Variants in TOX3 observed in about 807,000 individuals in gnomAD.
The protein encoded by TOX3 is CAG trinucleotide repeat-containing gene F9 protein.
A neutral mutation model predicts 64.3 loss-of-function variants in TOX3; 22 were observed. That is an observed-to-expected ratio of 0.34 (90% CI 0.24 to 0.49). TOX3 has a LOEUF of 0.49. TOX3 is among the 20% of genes least tolerant of loss of function. The pLI, the probability that TOX3 is intolerant of heterozygous loss-of-function variation, is 0.99. For synonymous variants in TOX3, 291 were observed against 273.6 expected, an observed-to-expected ratio of 1.06 and a Z score of -0.63; for missense variants, 661 against 714.4, an observed-to-expected ratio of 0.93 and a Z score of 0.85.
intron 1 of TOX3, among the ~76,000 whole-genome samples, chr16:52,533,396 G>A (rs1418258742): frequency 1.3e-5 from 2 of 152,192 alleles, no homozygotes; most frequent in Non-Finnish European, 2.9e-5. Context: ...TCTTGAGAAA[G>A]TCATTCTGTT....
intron 1 of TOX3, among the ~76,000 whole-genome samples, chr16:52,536,074 C>T (rs1188319670): frequency 6.6e-6 from 1 of 152,180 alleles, no homozygotes; most frequent in African/African-American, 2.4e-5. Context: ...TAGTTCACTT[C>T]TTACCACATT....
At chr16:52,471,070 A>C (rs901502811) in intron 1 of TOX3, among the ~76,000 whole-genome samples, 12 of 152,166 alleles carry the variant, frequency 7.9e-5, no homozygotes, top group African/African-American at 2.9e-4. Flanking sequence ...GATAATATAC[A>C]GGACACCCAG....
chr16:52,439,131 T>C lies in TOX3; in HGVS notation c.*94A>G, dbSNP rs1959847005. ...GTTTGATCTGTTACACATTTCTGCATAACCAACACCAACTTACAGGTTTCA... is the reference window on the plus strand; with the variant it reads ...GTTTGATCTGTTACACATTTCTGCACAACCAACACCAACTTACAGGTTTCA... On this transcript the variant is annotated 3_prime_UTR_variant, in exon 7 of 7. Transcript: ENST00000219746. The C allele has an allele frequency of 7.0e-6, 11 of 1,566,776 alleles. No individual in the cohort carries two copies. The highest frequency in any genetic ancestry group is 1.3e-5 in the African/African-American group (1 of 74,170).
At chr16:52,515,433 T>C (rs7198754) in intron 1 of TOX3, among the ~76,000 whole-genome samples, 6,691 of 152,286 alleles carry the variant, frequency 0.044, 539 homozygotes, top group African/African-American at 0.15. Context: ...TGAGGTTACA[T>C]AGCTGGCTGC....
rs1360601018 is a variant in TOX3 at position 52,439,105 on chromosome 16, C to T, written c.*120G>A. On this transcript the variant is annotated 3_prime_UTR_variant, in exon 7 of 7. Transcript: ENST00000219746. ...CTATCTAATAGACACTTGAGAGGAC[C>T]GTTTGATCTGTTACACATTTCTGCA... 5 of 1,427,104 alleles carry T rather than the reference C, an allele frequency of 3.5e-6. No homozygotes were observed. Among genetic ancestry groups the T allele is most frequent in the East Asian group, 4.7e-5 (2 of 42,214 alleles). The allele number at this position is 1,427,104 out of a possible 1,614,324, so 88.4% of individuals were successfully genotyped here.
intron 1 of TOX3, among the ~76,000 whole-genome samples, chr16:52,525,847 A>G (rs1962717123): frequency 6.6e-6 from 1 of 152,222 alleles, no homozygotes; most frequent in Non-Finnish European, 1.5e-5. Context: ...AATATGCAAT[A>G]CATCGCATTG....
chr16:52,465,005 CTTTTTTTTTTT>C (rs1168498170), intron 2 of TOX3, among the ~76,000 whole-genome samples: 4 of 70,942 alleles, frequency 5.6e-5, no homozygotes, highest in African/African-American at 1.2e-4. Flanking sequence ...TTAATGCATT[CTTTTTTTTTTT>C]TTTTTTTTTT....
intron 1 of TOX3, among the ~76,000 whole-genome samples, chr16:52,482,746 T>G (rs1961402094): frequency 6.6e-6 from 1 of 152,184 alleles, no homozygotes; most frequent in Non-Finnish European, 1.5e-5. Context: ...GAAGTGTACA[T>G]ATTACCATAC....
intron 2 of TOX3, among the ~76,000 whole-genome samples, chr16:52,466,823 T>C (rs934222529): frequency 2.6e-5 from 4 of 152,088 alleles, no homozygotes; most frequent in African/African-American, 4.8e-5. Context: ...TAAAGGCAGG[T>C]AATATATTAA....
intron 6 of TOX3, among the ~76,000 whole-genome samples, chr16:52,442,363 C>G (rs1372564473): frequency 6.6e-6 from 1 of 152,146 alleles, no homozygotes; most frequent in Admixed American, 6.5e-5. Context: ...GTAAGCTCAC[C>G]CCTTGGATGA....
chr16:52,519,280 A>T, intron 1 of TOX3: 5 of 957,398 alleles, frequency 5.2e-6, no homozygotes, highest in Non-Finnish European at 7.5e-6. Flanking sequence ...ATTCCCAACC[A>T]CTTTCATCTT....
rs572406900 is a variant in TOX3 at position 52,518,459 on chromosome 16, C to T, written c.87+28178G>A. Among the ~76,000 whole-genome samples the T allele has an allele frequency of 5.9e-5, 9 of 152,272 alleles. No individual in the cohort carries two copies. In the South Asian group the frequency reaches 1.7e-3, roughly 28 times the overall value. ...ATTCAGGGATACAATATGTAAGACCCAGACCATCAACCTTGAATTAAAAAG... is the reference window on the plus strand; with the variant it reads ...ATTCAGGGATACAATATGTAAGACCTAGACCATCAACCTTGAATTAAAAAG... On this transcript the variant is annotated intron_variant, in intron 1 of 6. Coordinates refer to ENST00000219746, the MANE Select transcript of TOX3 (RefSeq NM_001080430.4).
At chr16:52,535,102 A>G (rs1485696239) in intron 1 of TOX3, among the ~76,000 whole-genome samples, 1 of 152,220 alleles carries the variant, frequency 6.6e-6, no homozygotes, top group Admixed American at 6.5e-5. Flanking sequence ...AAAACTTTGA[A>G]GTTTAGGAAA....
intron 1 of TOX3, among the ~76,000 whole-genome samples, chr16:52,503,674 G>A (rs4784222): frequency 6.8e-4 from 103 of 152,022 alleles, no homozygotes; most frequent in Non-Finnish European, 1.4e-3. Context: ...GTTTTCCAGG[G>A]AAAATTCTAT....
At position 52,464,160 on chromosome 16, in the gene TOX3, TC is replaced by T; in HGVS notation, c.181del (p.Asp61ThrfsTer19). Reference protein sequence around the residue: ...EQTFHTPSLGDEEFEIPPITP... With the variant: ...EQTFHTPSLGXEEFEIPPITP... ...GATTGGTGGAATTTCGAATTCCTCG[TC>T]CCCAAGGCTTGGTGTGTGGAATGTC... is the stretch of plus-strand genomic sequence containing the variant. On this transcript the variant is annotated frameshift_variant, in exon 3 of 7. Transcript: ENST00000219746. LOFTEE classifies it high-confidence loss of function. 6.4e-7 allele frequency: 1 copy of T among 1,571,584 alleles called. No homozygotes were observed. Among genetic ancestry groups the T allele is most frequent in the Admixed American group, 1.8e-5 (1 of 54,486 alleles).
chr16:52,510,759 C>CAAAA (rs71376169), intron 1 of TOX3, among the ~76,000 whole-genome samples: 11 of 71,846 alleles, frequency 1.5e-4, no homozygotes, highest in South Asian at 6.9e-4. Flanking sequence ...GACCCTGTCT[C>CAAAA]AAAAAAAAAA....
At chr16:52,454,205 T>G (rs1960445482) in intron 3 of TOX3, among the ~76,000 whole-genome samples, 1 of 152,016 alleles carries the variant, frequency 6.6e-6, no homozygotes, top group East Asian at 1.9e-4. Flanking sequence ...TTTCCATTTG[T>G]TTTATAAATT....
chr16:52,461,126 A>G (rs1596790719), intron 3 of TOX3, among the ~76,000 whole-genome samples: 1 of 152,156 alleles, frequency 6.6e-6, no homozygotes, highest in Non-Finnish European at 1.5e-5. Context: ...TGGAACTCAC[A>G]TTGTAGATTT....
At chr16:52,525,462 T>C (rs552533403) in intron 1 of TOX3, among the ~76,000 whole-genome samples, 1 of 152,280 alleles carries the variant, frequency 6.6e-6, no homozygotes, top group Admixed American at 6.5e-5. Context: ...GTCAGTAACA[T>C]TACCATCTAT....
Sources: gnomAD v4.1 joint callset for allele counts (sites outside exome capture counted in the v4.1 genomes callset) on GRCh38, gnomAD v4.1.1 for gene constraint, MANE v1.5 for transcripts, NCBI Gene and HGNC (gene_info 2026-07-23, HGNC 2026-07-21) for gene names.